Variants in ADAMTSL1 observed in about 807,000 individuals in gnomAD.
ADAMTSL1 encodes the protein ADAMTS like 1, also known as ADAMTS-like protein 1.
In ADAMTSL1, 126 loss-of-function variants were observed where a neutral mutation model predicts 201.8. The ratio of observed to expected loss-of-function variants is 0.62; its 90% confidence interval spans 0.54 to 0.72. The LOEUF (loss-of-function observed/expected upper bound fraction) is 0.72, where lower values mean the gene tolerates loss of function less well. Among genes scored for constraint, ADAMTSL1 ranks in the 30% least tolerant of loss-of-function variants. ADAMTSL1 has a pLI of 0.00. For missense variants in ADAMTSL1, 2,679 were observed against 2,277.8 expected (o/e 1.18, Z -3.59); for synonymous variants, 1,121 against 903.4 (o/e 1.24, Z -4.32).
upstream of ADAMTSL1, among the ~76,000 whole-genome samples, chr9:18,470,497 T>C (rs548741528): frequency 2.0e-5 from 3 of 152,198 alleles, no homozygotes; most frequent in Non-Finnish European, 4.4e-5. Context: ...GATGCTGCCA[T>C]AACCACTTCC....
chr9:18,130,780 T>C (rs1825918815), intron 1 of ADAMTSL1, among the ~76,000 whole-genome samples: 1 of 152,108 alleles, frequency 6.6e-6, no homozygotes, highest in African/African-American at 2.4e-5. Flanking sequence ...CCAACTCCCT[T>C]AGGATGCCGT....
intron 7 of ADAMTSL1, among the ~76,000 whole-genome samples, chr9:18,639,683 A>G (rs940116411): frequency 2.6e-4 from 39 of 152,244 alleles, no homozygotes; most frequent in Admixed American, 9.2e-4. Flanking sequence ...AGGCCAATGT[A>G]TCATAAGTTG....
In ADAMTSL1 at chr9:18,794,378, G is replaced by A. The variant is rs78552730; in HGVS notation, c.3678-1019G>A. 5.8e-3 allele frequency among the ~76,000 whole-genome samples: 873 copies of A among 150,658 alleles called. 7 individuals carry two copies. The highest frequency in any genetic ancestry group is 0.038 in the Middle Eastern group (11 of 290). On this transcript the variant is annotated intron_variant, in intron 19 of 28. Transcript: ENST00000380548. The stretch of plus-strand genomic sequence containing the variant: ...GAGCTGTGTTTGTGCCTCCACACTC[G>A]TGGGTGACAGAGCAAGACCCTGTCT...
chr9:18,602,014 A>G (rs1824692655), intron 4 of ADAMTSL1, among the ~76,000 whole-genome samples: 1 of 152,204 alleles, frequency 6.6e-6, no homozygotes, highest in African/African-American at 2.4e-5. Flanking sequence ...AAATCTCATT[A>G]AAGTTTTACC....
At chr9:18,207,839 G>T (rs1421064818) in intron 2 of ADAMTSL1, among the ~76,000 whole-genome samples, 5 of 151,992 alleles carry the variant, frequency 3.3e-5, no homozygotes, top group Admixed American at 2.6e-4. Context: ...AATAATTATT[G>T]CACAATTTAG....
chr9:18,095,111 A>C (rs1235119774), intron 1 of ADAMTSL1, among the ~76,000 whole-genome samples: 1 of 152,172 alleles, frequency 6.6e-6, no homozygotes, highest in Non-Finnish European at 1.5e-5. Context: ...AGCTAGTTGC[A>C]AATGCAGATT....
chr9:18,747,773 T>G (rs1819232822), intron 15 of ADAMTSL1, among the ~76,000 whole-genome samples: 1 of 152,188 alleles, frequency 6.6e-6, no homozygotes, highest in South Asian at 2.1e-4. Flanking sequence ...AAGGGTGCTC[T>G]GCCCAGCCCA....
intron 9 of ADAMTSL1, among the ~76,000 whole-genome samples, chr9:18,663,687 C>T (rs1445853819): frequency 2.0e-5 from 3 of 151,666 alleles, no homozygotes; most frequent in Non-Finnish European, 2.9e-5. Context: ...GACAATTTCA[C>T]TTCCCACAAC....
chr9:17,988,952 C>T (rs1365792303), intron 1 of ADAMTSL1, among the ~76,000 whole-genome samples: 1 of 151,728 alleles, frequency 6.6e-6, no homozygotes, highest in Non-Finnish European at 1.5e-5. Context: ...CCATGCATGA[C>T]ATTAAATACT....
At chr9:18,477,590 A>C (rs1056494649) in intron 1 of ADAMTSL1, among the ~76,000 whole-genome samples, 1 of 152,238 alleles carries the variant, frequency 6.6e-6, no homozygotes, top group South Asian at 2.1e-4. Context: ...GTTCATGTGC[A>C]TGCACAAGCA....
At chr9:18,027,653 G>T (rs1019081393) in intron 1 of ADAMTSL1, among the ~76,000 whole-genome samples, 2 of 151,996 alleles carry the variant, frequency 1.3e-5, no homozygotes, top group African/African-American at 4.8e-5. Context: ...TGATCTTAGA[G>T]TATGTTCCAT....
intron 2 of ADAMTSL1, among the ~76,000 whole-genome samples, chr9:18,388,725 G>T (rs1002372875): frequency 1.2e-4 from 15 of 126,016 alleles, no homozygotes; most frequent in Admixed American, 5.3e-4. Flanking sequence ...TCGATTTTTT[G>T]TTGTTGTTGT....
chr9:18,174,225 C>G, intron 2 of ADAMTSL1, among the ~76,000 whole-genome samples: 1 of 152,052 alleles, frequency 6.6e-6, no homozygotes, highest in Non-Finnish European at 1.5e-5. Flanking sequence ...CCAAGGAGTC[C>G]CTTAGTTGTT....
At chr9:18,110,244 G>C (rs774080976) in intron 1 of ADAMTSL1, among the ~76,000 whole-genome samples, 3 of 152,180 alleles carry the variant, frequency 2.0e-5, no homozygotes, top group Non-Finnish European at 4.4e-5. Context: ...GTTGGCTATA[G>C]AGTGTCTAAT....
intron 1 of ADAMTSL1, among the ~76,000 whole-genome samples, chr9:18,043,070 A>G (rs908052651): frequency 6.6e-6 from 1 of 152,174 alleles, no homozygotes; most frequent in Non-Finnish European, 1.5e-5. Flanking sequence ...ACGCTAGAAA[A>G]CTAAGAGGCT....
chr9:18,776,665 C>G, intron 18 of ADAMTSL1, 116 bp from the exon 19 acceptor site: 3 of 1,220,548 alleles, frequency 2.5e-6, no homozygotes, highest in East Asian at 5.3e-5. Context: ...CTTCGTCTCT[C>G]CTTCTCTTCT....
At chr9:18,516,054 C>G (rs1308587880) in intron 2 of ADAMTSL1, among the ~76,000 whole-genome samples, 1 of 149,742 alleles carries the variant, frequency 6.7e-6, no homozygotes, top group Non-Finnish European at 1.5e-5. Context: ...AATTCAGCAT[C>G]CATCCCTCCA....
At chr9:18,103,718 T>C (rs913020545) in intron 1 of ADAMTSL1, among the ~76,000 whole-genome samples, 12 of 152,202 alleles carry the variant, frequency 7.9e-5, no homozygotes, top group African/African-American at 2.9e-4. Context: ...AGGAATTTTT[T>C]TGAAGTGAAA....
At chr9:17,944,546 A>G (rs4521856) in intron 1 of ADAMTSL1, among the ~76,000 whole-genome samples, 134,664 of 143,638 alleles carry the variant, frequency 0.94, 63,116 homozygotes, top group East Asian at 1. Flanking sequence ...GAGGCATCAC[A>G]CTACCTGACT....
Sources: allele counts gnomAD v4.1 joint callset (sites outside exome capture counted in the v4.1 genomes callset), GRCh38; gene constraint gnomAD v4.1.1; transcripts MANE v1.5; gene names NCBI Gene and HGNC (gene_info 2026-07-23, HGNC 2026-07-21).